Variants in NOS1AP observed in about 807,000 individuals in gnomAD.
NOS1AP encodes carboxyl-terminal PDZ ligand of neuronal nitric oxide synthase protein.
A neutral mutation model predicts 56.2 loss-of-function variants in NOS1AP; 21 were observed. The observed-to-expected ratio is 0.37, with a 90% confidence interval of 0.26 to 0.54. The LOEUF (loss-of-function observed/expected upper bound fraction) is 0.54. Among genes scored for constraint, NOS1AP ranks in the 20% least tolerant of loss-of-function variants. The pLI is 0.84. For missense variants in NOS1AP, 522 were observed against 657.8 expected (o/e 0.79, Z 2.26); for synonymous variants, 270 against 274.6 (o/e 0.98, Z 0.17).
intron 6 of NOS1AP, among the ~76,000 whole-genome samples, chr1:162,347,959 G>A (rs377362999): frequency 1.3e-5 from 2 of 152,076 alleles, no homozygotes; most frequent in Non-Finnish European, 2.9e-5. Context: ...TCCCACTCTC[G>A]TTCAGAAAAT....
intron 1 of NOS1AP, among the ~76,000 whole-genome samples, chr1:162,101,714 A>G (rs138731176): frequency 0.065 from 9,917 of 152,046 alleles, 469 homozygotes; most frequent in African/African-American, 0.14. Flanking sequence ...TGTGAATGGG[A>G]GTTCATTCAT....
At chr1:162,284,450 G>C (rs1171816213) in intron 2 of NOS1AP, among the ~76,000 whole-genome samples, 1 of 152,168 alleles carries the variant, frequency 6.6e-6, no homozygotes, top group African/African-American at 2.4e-5. Flanking sequence ...ATGGAACCTG[G>C]AGGCCTATTT....
At chr1:162,078,140 C>T (rs1260466266) in intron 1 of NOS1AP, among the ~76,000 whole-genome samples, 2 of 152,136 alleles carry the variant, frequency 1.3e-5, no homozygotes, top group African/African-American at 4.8e-5. Context: ...GCTCCATTCC[C>T]TCTCCTTTGG....
At chr1:162,178,246 C>T (rs1229918347) in intron 2 of NOS1AP, among the ~76,000 whole-genome samples, 1 of 152,036 alleles carries the variant, frequency 6.6e-6, no homozygotes, top group Non-Finnish European at 1.5e-5. Context: ...TATTCATTCA[C>T]CTACTGAAGG....
intron 4 of NOS1AP, among the ~76,000 whole-genome samples, chr1:162,318,045 A>G (rs1377626972): frequency 6.6e-6 from 1 of 152,146 alleles, no homozygotes; most frequent in Admixed American, 6.5e-5. Flanking sequence ...CCTTAGTGGC[A>G]GGTTCATAGT....
chr1:162,229,228 G>T (rs1348241098), intron 2 of NOS1AP, among the ~76,000 whole-genome samples: 1 of 152,178 alleles, frequency 6.6e-6, no homozygotes, highest in African/African-American at 2.4e-5. Flanking sequence ...TAGGAACCAG[G>T]CCTGTGCAGC....
intron 1 of NOS1AP, among the ~76,000 whole-genome samples, chr1:162,116,179 C>T (rs932600786): frequency 8.5e-5 from 13 of 152,146 alleles, no homozygotes; most frequent in African/African-American, 2.2e-4. Context: ...TCTCCAGAAG[C>T]GGGGTCGTGA....
At chr1:162,089,572 G>A (rs1692082546) in intron 1 of NOS1AP, among the ~76,000 whole-genome samples, 1 of 152,134 alleles carries the variant, frequency 6.6e-6, no homozygotes, top group Non-Finnish European at 1.5e-5. Flanking sequence ...ACATGACAAA[G>A]ACTTTGTATA....
At chr1:162,255,549 C>T (rs558321614) in intron 2 of NOS1AP, among the ~76,000 whole-genome samples, 2 of 111,408 alleles carry the variant, frequency 1.8e-5, no homozygotes, top group East Asian at 6.0e-4. Context: ...ATGCATTGCT[C>T]TGAGCTATCC....
intron 1 of NOS1AP, among the ~76,000 whole-genome samples, chr1:162,108,421 A>C (rs1391031786): frequency 6.6e-6 from 1 of 152,194 alleles, no homozygotes; most frequent in East Asian, 1.9e-4. Flanking sequence ...AAAATCAGTC[A>C]CTTTTGCAGG....
intron 4 of NOS1AP, among the ~76,000 whole-genome samples, chr1:162,324,179 T>C (rs951999421): frequency 9.5e-4 from 144 of 152,058 alleles, no homozygotes; most frequent in African/African-American, 3.2e-3. Context: ...CCGAGGGTCC[T>C]GAAAAGTGTG....
In NOS1AP at chr1:162,209,786, C is replaced by A. The variant is rs1013115014; in HGVS notation, c.177+55310C>A. ...GAGAGCTGGGGGCGGGGGGCAAGGG[C>A]AGGGGGACTCTTCTGTACTCAAAGC... On this transcript the variant is annotated intron_variant, in intron 2 of 9. Coordinates refer to ENST00000361897, the MANE Select transcript of NOS1AP (RefSeq NM_014697.3). Among the ~76,000 whole-genome samples the A allele has an allele frequency of 2.6e-5, 4 of 151,846 alleles. No individual in the cohort carries two copies. The South Asian group carries it at 6.3e-4, about 24-fold the overall frequency.
intron 2 of NOS1AP, among the ~76,000 whole-genome samples, chr1:162,160,265 G>A (rs2102107099): frequency 6.6e-6 from 1 of 152,324 alleles, no homozygotes; most frequent in East Asian, 1.9e-4. Context: ...GCACTCTGGA[G>A]TGGTGTTGGT....
At chr1:162,271,137 T>G (rs1242083150) in intron 2 of NOS1AP, among the ~76,000 whole-genome samples, 2 of 152,078 alleles carry the variant, frequency 1.3e-5, no homozygotes, top group East Asian at 3.9e-4. Context: ...TAAATGGTCG[T>G]GGGGGGTGTG....
chr1:162,191,890 T>G (rs1310431702), intron 2 of NOS1AP, among the ~76,000 whole-genome samples: 2 of 152,314 alleles, frequency 1.3e-5, no homozygotes, highest in Admixed American at 6.5e-5. Flanking sequence ...AAAGTGGTGA[T>G]GTAGATCCTG....
intron 2 of NOS1AP, among the ~76,000 whole-genome samples, chr1:162,280,688 T>C (rs566358901): frequency 3.3e-5 from 5 of 152,232 alleles, no homozygotes; most frequent in African/African-American, 9.6e-5. Context: ...AAAAAGTAGC[T>C]TCTGTGGTTC....
At chr1:162,214,563 T>C (rs1652491828) in intron 2 of NOS1AP, among the ~76,000 whole-genome samples, 1 of 152,210 alleles carries the variant, frequency 6.6e-6, no homozygotes. Flanking sequence ...TAATTCTCAG[T>C]GTTTTTCTTA....
At chr1:162,129,890 T>G (rs930345516) in intron 1 of NOS1AP, among the ~76,000 whole-genome samples, 1 of 152,200 alleles carries the variant, frequency 6.6e-6, no homozygotes, top group African/African-American at 2.4e-5. Flanking sequence ...CATATTAACT[T>G]TTCCCATCTA....
intron 1 of NOS1AP, among the ~76,000 whole-genome samples, chr1:162,134,756 T>C (rs569823900): frequency 6.6e-6 from 1 of 152,318 alleles, no homozygotes; most frequent in South Asian, 2.1e-4. Context: ...TGGTCTCTTG[T>C]CATGTCCTCT....
Sources: gnomAD v4.1 joint callset for allele counts (sites outside exome capture counted in the v4.1 genomes callset) on GRCh38, gnomAD v4.1.1 for gene constraint, MANE v1.5 for transcripts, NCBI Gene and HGNC (gene_info 2026-07-23, HGNC 2026-07-21) for gene names.